Variants in TTC12 observed in about 807,000 individuals in gnomAD.
The protein encoded by TTC12 is tetratricopeptide repeat domain 12, also known as tetratricopeptide repeat protein 12.
A neutral mutation model predicts 90.1 loss-of-function variants in TTC12; 70 were observed. The ratio of observed to expected loss-of-function variants is 0.78; its 90% CI spans 0.64 to 0.95. TTC12 has a LOEUF of 0.95. Among genes scored for constraint, TTC12 ranks in the 40% least tolerant of loss-of-function variants. The pLI, the probability that TTC12 is intolerant of heterozygous loss-of-function variation, is 0.00. For missense variants in TTC12, 819 were observed against 846.1 expected, an observed-to-expected ratio of 0.97 and a Z score of 0.40; for synonymous variants, 296 against 311.5, an observed-to-expected ratio of 0.95 and a Z score of 0.53.
In TTC12 at chr11:113,359,360, A is replaced by G; in HGVS notation, c.1447-3A>G. On this transcript the variant is annotated splice_polypyrimidine_tract_variant and splice_region_variant and intron_variant, in intron 16 of 21. Transcript: ENST00000529221. ...CATTGGTTACCTTGTTTTGTTTCCC[A>G]AGGCCAGGTGTGAGGAGGATGTGGA... The G allele has an allele frequency of 6.3e-7, 1 of 1,599,868 alleles. No individual in the cohort carries two copies. Among genetic ancestry groups the G allele is most frequent in the Non-Finnish European group, 8.6e-7 (1 of 1,169,154 alleles).
intron 7 of TTC12, among the ~76,000 whole-genome samples, 193 bp downstream of exon 7, chr11:113,330,172 G>A (rs782238796): frequency 2.0e-5 from 3 of 152,212 alleles, no homozygotes; most frequent in Non-Finnish European, 2.9e-5. Flanking sequence ...TTCCTAGAAA[G>A]CAATCCAGGG....
chr11:113,347,018 G>C (rs564803625), intron 13 of TTC12, among the ~76,000 whole-genome samples: 5 of 152,276 alleles, frequency 3.3e-5, no homozygotes, highest in African/African-American at 1.2e-4. Context: ...TCCTCTCTAG[G>C]TGCTGAGTCC....
At position 113,330,004 on chromosome 11, in the gene TTC12, A is replaced by G. The variant is rs782270633; in HGVS notation, c.504+25A>G. The G allele has an allele frequency of 3.3e-5, 53 of 1,589,724 alleles. 2 individuals carry two copies. The Middle Eastern group carries it at 1.5e-3, about 45-fold the overall frequency. ...GGTAAGAGGGTATTTCTTTTCCCAC[A>G]TGATAGTGTTGGGCTGAAGTAGATA... On this transcript the variant is annotated intron_variant, in intron 7 of 21. Transcript: ENST00000529221.
intron 19 of TTC12, among the ~76,000 whole-genome samples, chr11:113,363,209 G>A (rs1555155932): frequency 6.6e-6 from 1 of 152,212 alleles, no homozygotes; most frequent in Non-Finnish European, 1.5e-5. Context: ...TGAGGGGGCA[G>A]CACAGGGGGT....
chr11:113,346,999 G>A (rs1949006656), intron 13 of TTC12, among the ~76,000 whole-genome samples: 1 of 152,088 alleles, frequency 6.6e-6, no homozygotes, highest in Non-Finnish European at 1.5e-5. Context: ...AATAGAAAGG[G>A]ACACACCGTC....
chr11:113,337,063 T>A (rs1433475316), intron 8 of TTC12, among the ~76,000 whole-genome samples: 1 of 152,242 alleles, frequency 6.6e-6, no homozygotes, highest in Non-Finnish European at 1.5e-5. Flanking sequence ...TGTTGGACTT[T>A]AATTGTAAAT....
downstream of TTC12, among the ~76,000 whole-genome samples, chr11:113,369,786 C>T (rs1950334228): frequency 6.6e-6 from 1 of 152,136 alleles, no homozygotes; most frequent in Non-Finnish European, 1.5e-5. Flanking sequence ...ACATGAAGTA[C>T]CTAGCATAGG....
intron 13 of TTC12, among the ~76,000 whole-genome samples, chr11:113,345,214 T>C (rs1948881759): frequency 6.6e-6 from 1 of 152,264 alleles, no homozygotes; most frequent in Admixed American, 6.5e-5. Flanking sequence ...GCAATTATTG[T>C]AGCTTGCTTT....
At chr11:113,333,126 T>A (rs151155135) in intron 7 of TTC12, among the ~76,000 whole-genome samples, 105 of 152,250 alleles carry the variant, frequency 6.9e-4, no homozygotes, top group Admixed American at 1.1e-3. Flanking sequence ...CCTACCAGCT[T>A]ACCTCCACAC....
intron 5 of TTC12, 33 bp downstream of exon 5, chr11:113,324,715 G>A: frequency 6.3e-7 from 1 of 1,587,156 alleles, no homozygotes; most frequent in Non-Finnish European, 8.6e-7. Context: ...CAATGGCTGG[G>A]ATGATTTGTG....
chr11:113,344,392 A>G lies in TTC12; in HGVS notation c.1106A>G (p.Gln369Arg). Residue 369 changes from glutamine (Q) to arginine (R), a missense_variant, in exon 13 of 22, where the codon CAG becomes CGG. Gln to Arg is a conservative substitution (Grantham distance 43). Coordinates refer to ENST00000529221, the MANE Select transcript of TTC12 (RefSeq NM_017868.4). ...TTTGCCCTGCTGCTGCATCTCGCCCAGACTGAGAGCGGACGGAGCCTGATC... is the reference window on the plus strand; with the variant it reads ...TTTGCCCTGCTGCTGCATCTCGCCCGGACTGAGAGCGGACGGAGCCTGATC... ...QSFALLLHLA[Q>R]TESGRSLIIN... The G allele has an allele frequency of 6.2e-7, 1 of 1,614,136 alleles. No homozygotes were observed. The highest frequency in any genetic ancestry group is 8.5e-7 in the Non-Finnish European group (1 of 1,180,014).
chr11:113,334,841 G>T (rs1948268811), intron 7 of TTC12, 125 bp from the exon 8 acceptor site: 1 of 691,916 alleles, frequency 1.4e-6, no homozygotes, highest in South Asian at 2.3e-5. Flanking sequence ...AAAAAGTTTT[G>T]TCAACTCTGG....
At chr11:113,358,019 G>A (rs1293503357) in intron 16 of TTC12, among the ~76,000 whole-genome samples, 3 of 152,198 alleles carry the variant, frequency 2.0e-5, no homozygotes, top group Non-Finnish European at 2.9e-5. Context: ...TGGGGGAGAG[G>A]GTCCCTGCTG....
At chr11:113,315,352 G>A (rs1946868742) in intron 1 of TTC12, among the ~76,000 whole-genome samples, 1 of 152,182 alleles carries the variant, frequency 6.6e-6, no homozygotes. Flanking sequence ...GAATCACACA[G>A]CTTGTAACTG....
At chr11:113,335,099 T>C in intron 8 of TTC12, 62 bp downstream of exon 8, 1 of 1,224,968 alleles carries the variant, frequency 8.2e-7, no homozygotes, top group South Asian at 1.2e-5. Flanking sequence ...CCAGTTGTGC[T>C]AGAGGAGAAC....
chr11:113,364,230 GA>G (rs1203481065), intron 20 of TTC12, among the ~76,000 whole-genome samples: 2 of 152,252 alleles, frequency 1.3e-5, no homozygotes, highest in Non-Finnish European at 2.9e-5. Flanking sequence ...CACAGAAGGA[GA>G]GGGGGAAACA....
chr11:113,319,475 A>T (rs1442427481), intron 2 of TTC12, among the ~76,000 whole-genome samples: 1 of 152,210 alleles, frequency 6.6e-6, no homozygotes, highest in African/African-American at 2.4e-5. Context: ...ATTAAAAGAC[A>T]TGAAAGAAGA....
intron 13 of TTC12, among the ~76,000 whole-genome samples, chr11:113,348,550 C>G (rs887597685): frequency 6.6e-6 from 1 of 152,178 alleles, no homozygotes; most frequent in African/African-American, 2.4e-5. Flanking sequence ...TGCTCCAATC[C>G]AGCCTCCACC....
intron 13 of TTC12, among the ~76,000 whole-genome samples, chr11:113,349,109 G>C (rs1555149169): frequency 6.6e-6 from 1 of 152,200 alleles, no homozygotes; most frequent in Non-Finnish European, 1.5e-5. Flanking sequence ...GTCAGTGCTT[G>C]TTCATTGTGA....
Sources: allele counts gnomAD v4.1 joint callset (sites outside exome capture counted in the v4.1 genomes callset), GRCh38; gene constraint gnomAD v4.1.1; transcripts MANE v1.5; gene names NCBI Gene and HGNC (gene_info 2026-07-23, HGNC 2026-07-21).